RYR2: variants seen among roughly 807,000 people sequenced by gnomAD.
RYR2 encodes cardiac muscle ryanodine receptor-calcium release channel.
RYR2 carries 227 observed loss-of-function variants against 601.1 expected under a neutral mutation model. The observed-to-expected ratio is 0.38, with a 90% CI of 0.34 to 0.42. The LOEUF (loss-of-function observed/expected upper bound fraction) is 0.42. Ranked by LOEUF, RYR2 falls within the 10% of genes least tolerant of loss-of-function variation. RYR2 has a pLI of 1.00. For synonymous variants in RYR2, 2,223 were observed against 2,175.1 expected (o/e 1.02, Z -0.61); for missense variants, 4,646 against 6,156.5 (o/e 0.75, Z 8.21).
At chr1:237,374,602 G>A (rs1211545348) in intron 6 of RYR2, 115 bp from the exon 7 acceptor site, 5 of 802,264 alleles carry the variant, frequency 6.2e-6, no homozygotes, top group Admixed American at 2.0e-5. Context: ...AGGCTGCAGT[G>A]AGCTGTGATC....
At chr1:237,271,986 TGG>T (rs1003137951) in intron 2 of RYR2, among the ~76,000 whole-genome samples, 9 of 151,992 alleles carry the variant, frequency 5.9e-5, no homozygotes, top group African/African-American at 2.2e-4. Flanking sequence ...AAAAATTAGC[TGG>T]GTGTGGTAAT....
In RYR2 at chr1:237,180,670, G is replaced by C. The variant is rs61832392; in HGVS notation, c.49-89827G>C. ...TGTATATGTGTATATATGTATACATGTGTATATATGTGTATATATGTATAT... is the reference window on the plus strand; with the variant it reads ...TGTATATGTGTATATATGTATACATCTGTATATATGTGTATATATGTATAT... On this transcript the variant is annotated intron_variant, in intron 1 of 104. Transcript: ENST00000366574. This position sits in a 1 kb window ranked among gnomAD's most constrained non-coding sequence, Gnocchi z 5.3. Among the ~76,000 whole-genome samples the C allele has an allele frequency of 1.0e-5, 1 of 100,096 alleles. No homozygotes were observed. The highest frequency in any genetic ancestry group is 1.0e-4 in the Admixed American group (1 of 9,914). 65.7% of individuals were successfully genotyped at this position (100,096 alleles called of 152,430 possible).
intron 92 of RYR2, among the ~76,000 whole-genome samples, chr1:237,790,783 C>T (rs1658291197): frequency 6.6e-6 from 1 of 152,030 alleles, no homozygotes; most frequent in South Asian, 2.1e-4. Flanking sequence ...GGGAGGCAGG[C>T]TTCATATCCA....
intron 1 of RYR2, among the ~76,000 whole-genome samples, chr1:237,074,878 T>C (rs1300747203): frequency 6.6e-6 from 1 of 152,182 alleles, no homozygotes; most frequent in Admixed American, 6.5e-5. Flanking sequence ...CAGGTTAGGT[T>C]GATGAGTCAC....
intron 47 of RYR2, among the ~76,000 whole-genome samples, chr1:237,641,311 A>T (rs1196655137): frequency 2.0e-5 from 3 of 152,256 alleles, no homozygotes; most frequent in Admixed American, 6.5e-5. Flanking sequence ...ATTTCCTCTT[A>T]TGTTACAGTG....
intron 37 of RYR2, among the ~76,000 whole-genome samples, chr1:237,615,090 C>G (rs1320146484): frequency 6.6e-6 from 1 of 152,190 alleles, no homozygotes; most frequent in African/African-American, 2.4e-5. Flanking sequence ...TCAAATACCC[C>G]TTTCCACCCA....
intron 94 of RYR2, 53 bp downstream of exon 94, chr1:237,792,376 T>TGC (rs1235908220): frequency 2.6e-6 from 2 of 771,588 alleles, no homozygotes; most frequent in South Asian, 1.9e-5. Flanking sequence ...TGTGTGTGTG[T>TGC]GTGTGCGTGT....
chr1:237,117,405 T>C (rs551925212), intron 1 of RYR2, among the ~76,000 whole-genome samples: 3 of 152,248 alleles, frequency 2.0e-5, no homozygotes, highest in South Asian at 4.1e-4. Context: ...TTGTATACCA[T>C]ATAAATATGG....
rs138816044 is a variant in RYR2 at position 237,798,441 on chromosome 1, G to A, written c.14090+271G>A. Among the ~76,000 whole-genome samples the A allele has an allele frequency of 0.04, 6,107 of 151,842 alleles. 135 individuals carry two copies. The highest frequency in any genetic ancestry group is 0.11 in the Middle Eastern group (33 of 294). On this transcript the variant is annotated intron_variant, in intron 97 of 104. Coordinates refer to ENST00000366574, the MANE Select transcript of RYR2 (RefSeq NM_001035.3). ...GTTTTTTACTTAATTTGCCTTTTCT[G>A]TCTTTAAATGATCCTTAAATCTAAG...
chr1:237,226,899 G>A (rs938433226), intron 1 of RYR2, among the ~76,000 whole-genome samples: 1 of 152,078 alleles, frequency 6.6e-6, no homozygotes, highest in Non-Finnish European at 1.5e-5. Context: ...CTCCCAAGCA[G>A]CTGGGGTTAC....
chr1:237,081,634 C>G (rs190873660), intron 1 of RYR2, among the ~76,000 whole-genome samples: 149 of 152,092 alleles, frequency 9.8e-4, no homozygotes, highest in African/African-American at 3.1e-3. Flanking sequence ...CACACTCTCT[C>G]TCTCCCTCTC....
Position 237,654,404 on chromosome 1 carries a change from T to A in RYR2, c.7955T>A (p.Leu2652Gln), listed in dbSNP as rs748531950. The A allele has an allele frequency of 1.2e-6, 2 of 1,613,778 alleles. No homozygotes were observed. The highest frequency in any genetic ancestry group is 1.7e-6 in the Non-Finnish European group (2 of 1,179,834). Residue 2652 changes from leucine (L) to glutamine (Q), a missense_variant, in exon 52 of 105, where the codon CTG (leucine) becomes CAG (glutamine). Coordinates refer to ENST00000366574, the MANE Select transcript of RYR2 (RefSeq NM_001035.3). ...TTGTTCTGGGGCATTTTTGATGCCCTGTCTCAAAAGGTAATTTAATGGTTT... is the reference window on the plus strand; with the variant it reads ...TTGTTCTGGGGCATTTTTGATGCCCAGTCTCAAAAGGTAATTTAATGGTTT... Reference protein sequence around the residue: ...RKLFWGIFDALSQKKYEQELF... With the variant: ...RKLFWGIFDAQSQKKYEQELF...
intron 5 of RYR2, among the ~76,000 whole-genome samples, chr1:237,367,767 G>A (rs920790925): frequency 2.0e-5 from 3 of 152,078 alleles, no homozygotes; most frequent in Non-Finnish European, 4.4e-5. Context: ...TTCCATGATT[G>A]CTTCCTCCTT....
In RYR2 at chr1:237,720,660, C is replaced by T. The variant is rs1054587142; in HGVS notation, c.10554+2139C>T. Among the ~76,000 whole-genome samples, 8 of 152,118 alleles carry T rather than the reference C, an allele frequency of 5.3e-5. No homozygotes were observed. In the East Asian group the frequency reaches 1.5e-3, roughly 29 times the overall value. On this transcript the variant is annotated intron_variant, in intron 73 of 104. Transcript: ENST00000366574. ...TGGGTATTTGAGAAGATCAGGTACC[C>T]CATGAAAGGGTGCAGGGGATCCCCA...
intron 96 of RYR2, among the ~76,000 whole-genome samples, chr1:237,795,939 T>C (rs2392786): frequency 2.9e-4 from 9 of 30,894 alleles, no homozygotes; most frequent in Admixed American, 6.3e-4. Flanking sequence ...TGTACATATG[T>C]ATGTGTGCAT....
chr1:237,350,285 T>C (rs926147464), intron 3 of RYR2, among the ~76,000 whole-genome samples: 3 of 151,776 alleles, frequency 2.0e-5, no homozygotes, highest in African/African-American at 7.3e-5. Flanking sequence ...TGTTAATATC[T>C]GAGAAAAGGG....
chr1:237,101,299 TAAAAAAAAA>T (rs374151748), intron 1 of RYR2, among the ~76,000 whole-genome samples: 1 of 94,144 alleles, frequency 1.1e-5, no homozygotes, highest in Non-Finnish European at 2.1e-5. Flanking sequence ...TTTTAGAAGT[TAAAAAAAAA>T]AAAAAAAAAA....
chr1:237,673,349 A>G (rs1319828956), intron 58 of RYR2, among the ~76,000 whole-genome samples: 1 of 152,034 alleles, frequency 6.6e-6, no homozygotes, highest in Non-Finnish European at 1.5e-5. Flanking sequence ...TTTTAACCAA[A>G]ATTTTTACAT....
At chr1:237,226,830 G>A (rs1023635200) in intron 1 of RYR2, among the ~76,000 whole-genome samples, 7 of 152,004 alleles carry the variant, frequency 4.6e-5, no homozygotes, top group Admixed American at 6.6e-5. Context: ...GTGTAGTGGC[G>A]TGCTCTCGGC....
Sources: allele counts gnomAD v4.1 joint callset (sites outside exome capture counted in the v4.1 genomes callset), GRCh38; gene constraint gnomAD v4.1.1; non-coding constraint Gnocchi (gnomAD v3.1); transcripts MANE v1.5; gene names NCBI Gene and HGNC (gene_info 2026-07-23, HGNC 2026-07-21).